USP49: variants seen among roughly 807,000 people sequenced by gnomAD.
USP49 encodes the protein ubiquitin carboxyl-terminal hydrolase 49.
Under a neutral mutation model 58.6 loss-of-function variants are expected in USP49, and 24 were observed. The observed-to-expected ratio is 0.41, with a 90% confidence interval of 0.30 to 0.58. The LOEUF is 0.58. Ranked by LOEUF, USP49 falls within the 20% of genes least tolerant of loss-of-function variation. The probability of loss-of-function intolerance (pLI) is 0.30; values close to 1 mark genes in which losing one functional copy is unlikely to be tolerated. For missense variants in USP49, 703 were observed against 866.1 expected (o/e 0.81, Z 2.36); for synonymous variants, 408 against 365.1 (o/e 1.12, Z -1.34).
In USP49 at chr6:41,798,687, T is replaced by G. The variant is rs151216099; in HGVS notation, c.1876+37A>C. 715 of 1,612,306 alleles carry G rather than the reference T, an allele frequency of 4.4e-4. 4 individuals carry two copies. The African/African-American group carries it at 8.3e-3, about 19-fold the overall frequency. On this transcript the variant is annotated intron_variant, in intron 7 of 7. Transcript: ENST00000682992. The stretch of plus-strand genomic sequence containing the variant: ...TAAAATGTGGACAAATCAACCCCTT[T>G]CCGTGTCCCCCACCCCACAGAGTAA...
chr6:41,810,515 T>A (rs986316808), intron 3 of USP49, among the ~76,000 whole-genome samples: 2 of 147,882 alleles, frequency 1.4e-5, no homozygotes, highest in Admixed American at 1.4e-4. Flanking sequence ...AAATAAAAAA[T>A]AAATAAATAA....
intron 5 of USP49, among the ~76,000 whole-genome samples, chr6:41,800,335 A>G (rs1006283713): frequency 6.6e-6 from 1 of 152,250 alleles, no homozygotes; most frequent in Non-Finnish European, 1.5e-5. Context: ...ACTGATGACC[A>G]TGCAGCCACC....
chr6:41,815,648 G>A (rs1357458165), intron 3 of USP49, among the ~76,000 whole-genome samples: 1 of 152,164 alleles, frequency 6.6e-6, no homozygotes, highest in Non-Finnish European at 1.5e-5. Context: ...ACCCCCTGGA[G>A]AGGCTGAATT....
rs1773055295 is a variant in USP49 at position 41,803,459 on chromosome 6, A to C, written c.1561+347T>G. 6.6e-6 allele frequency among the ~76,000 whole-genome samples: 1 copy of C among 152,156 alleles called. No individual in the cohort carries two copies. The highest frequency in any genetic ancestry group is 1.5e-5 in the Non-Finnish European group (1 of 68,040). ...GCTGGGATTACAGGCATCTGCCACT[A>C]TGCCCAGCTAATTTTTGTATTTTTA... On this transcript the variant is annotated intron_variant, in intron 5 of 7. Coordinates refer to ENST00000682992, the MANE Select transcript of USP49 (RefSeq NM_001286554.2). The surrounding 1 kb of genome is among the most constrained non-coding windows in gnomAD (Gnocchi z 4.1).
chr6:41,816,167 C>T (rs1006697411), intron 3 of USP49, among the ~76,000 whole-genome samples: 1 of 152,152 alleles, frequency 6.6e-6, no homozygotes. Flanking sequence ...GAGAGAGAGA[C>T]ACACAGACAG....
chr6:41,888,109 G>T (rs988881815), intron 2 of USP49, among the ~76,000 whole-genome samples: 2 of 144,968 alleles, frequency 1.4e-5, no homozygotes, highest in Admixed American at 1.4e-4. Flanking sequence ...GGCTGGAATG[G>T]AGTGGCACAA....
Position 41,806,400 on chromosome 6 carries a change from C to G in USP49, c.584G>C (p.Arg195Pro), listed in dbSNP as rs537486952. The change falls in exon 4 of 8, where the codon CGG (arginine) becomes CCG (proline). Residue 195 changes from arginine (R) to proline (P), a missense_variant. Around this residue, in one of 6 missense-constraint regions of USP49, gnomAD observed 376 missense variants for 373.5 expected, o/e 1.01. Transcript: ENST00000682992. This position sits in a 1 kb window ranked among gnomAD's most constrained non-coding sequence, Gnocchi z 5.9. ...GGTGCTGGCCAGCTCCTCCAGCAGC[C>G]GCCGTTTCACCTCGCGCCGCCGCCT... is the stretch of plus-strand genomic sequence containing the variant. ...ARRRRREVKR[R>P]LLEELASTPP... The G allele has an allele frequency of 1.0e-5, 16 of 1,559,132 alleles. No individual in the cohort carries two copies. Among genetic ancestry groups the G allele is most frequent in the Non-Finnish European group, 1.1e-5 (13 of 1,161,458 alleles).
chr6:41,816,832 G>A (rs952033967), intron 3 of USP49, among the ~76,000 whole-genome samples: 2 of 150,366 alleles, frequency 1.3e-5, no homozygotes, highest in East Asian at 4.0e-4. Flanking sequence ...ATCCTCCCAA[G>A]TAGCTGGAAG....
At chr6:41,851,280 C>T (rs1184550411) in intron 3 of USP49, among the ~76,000 whole-genome samples, 2 of 152,118 alleles carry the variant, frequency 1.3e-5, no homozygotes, top group Admixed American at 1.3e-4. Context: ...AAAAGAATTA[C>T]ATATTATCAA....
At chr6:41,799,719 G>C in intron 6 of USP49, 111 bp downstream of exon 6, 1 of 922,876 alleles carries the variant, frequency 1.1e-6, no homozygotes, top group Non-Finnish European at 1.7e-6. Flanking sequence ...GAGGTCTCAA[G>C]TGAACAGGCT....
At chr6:41,833,774 A>G (rs1160667974) in intron 3 of USP49, among the ~76,000 whole-genome samples, 1 of 152,222 alleles carries the variant, frequency 6.6e-6, no homozygotes, top group African/African-American at 2.4e-5. Context: ...TGGACCCTAG[A>G]AAGGGCCAAA....
chr6:41,864,810 CAA>C (rs1394236118), intron 3 of USP49, among the ~76,000 whole-genome samples: 1 of 151,986 alleles, frequency 6.6e-6, no homozygotes, highest in East Asian at 1.9e-4. Flanking sequence ...AGCCAGTGAG[CAA>C]AGAGTCTGAC....
In USP49 at chr6:41,806,744, C is replaced by T. The variant is rs1773142647; in HGVS notation, c.240G>A (p.Lys80=). The change falls in exon 4 of 8, where the codon AAG becomes AAA. Residue 80 remains lysine, a synonymous_variant. Transcript: ENST00000682992. The surrounding 1 kb of genome is among the most constrained non-coding windows in gnomAD (Gnocchi z 5.9). ...RDLYVFCYLC[K]DYVLNDNPEG... ...CTGGGTTATCATTGAGCACGTAGTCCTTGCACAGGTAACAGAACACGTAGA... is the reference window on the plus strand; with the variant it reads ...CTGGGTTATCATTGAGCACGTAGTCTTTGCACAGGTAACAGAACACGTAGA... 1 of 1,614,128 alleles carries T rather than the reference C, an allele frequency of 6.2e-7. No individual in the cohort carries two copies. Among genetic ancestry groups the T allele is most frequent in the African/African-American group, 1.3e-5 (1 of 74,954 alleles).
intron 3 of USP49, among the ~76,000 whole-genome samples, chr6:41,849,497 A>G (rs1773983447): frequency 6.6e-6 from 1 of 152,226 alleles, no homozygotes; most frequent in Non-Finnish European, 1.5e-5. Flanking sequence ...CAGAATATAC[A>G]TTCTTCTCAA....
intron 3 of USP49, among the ~76,000 whole-genome samples, chr6:41,842,340 T>C (rs1412159510): frequency 6.6e-6 from 1 of 151,982 alleles, no homozygotes; most frequent in African/African-American, 2.4e-5. Flanking sequence ...GCCACTGCAC[T>C]CCAGCCTGGG....
chr6:41,804,026 T>A lies in USP49; in HGVS notation c.1357-16A>T. The A allele has an allele frequency of 6.2e-7, 1 of 1,610,042 alleles. No individual in the cohort carries two copies. The highest frequency in any genetic ancestry group is 1.1e-5 in the South Asian group (1 of 90,980). ...TACATGTGACCTAGAATGAAAAGAT[T>A]GATTTACAGATTATATAACTTCCAT... On this transcript the variant is annotated splice_polypyrimidine_tract_variant and intron_variant, in intron 4 of 7. Coordinates refer to ENST00000682992, the MANE Select transcript of USP49 (RefSeq NM_001286554.2).
chr6:41,835,116 T>C (rs1273514350), intron 3 of USP49, among the ~76,000 whole-genome samples: 2 of 152,182 alleles, frequency 1.3e-5, no homozygotes, highest in Admixed American at 1.3e-4. Flanking sequence ...ATCATTAGGT[T>C]AGAGAACACA....
At chr6:41,890,303 T>C (rs1421683539) in intron 2 of USP49, among the ~76,000 whole-genome samples, 2 of 149,016 alleles carry the variant, frequency 1.3e-5, no homozygotes, top group African/African-American at 4.9e-5. Context: ...CGCTTGAACC[T>C]GGGAGGCGGA....
rs548035120 is a variant in USP49 at position 41,884,209 on chromosome 6, G to A, written c.-103+7585C>T. ...CAGCTAATTTTTTGTATTTTTAGTA[G>A]AGACAGGGTTTCACCATGCTGGCCA... is the stretch of plus-strand genomic sequence containing the variant. On this transcript the variant is annotated intron_variant, in intron 2 of 7. Coordinates refer to ENST00000682992, the MANE Select transcript of USP49 (RefSeq NM_001286554.2). Among the ~76,000 whole-genome samples the A allele has an allele frequency of 2.0e-5, 3 of 152,210 alleles. No individual in the cohort carries two copies. In the East Asian group the frequency reaches 5.8e-4, roughly 29 times the overall value.
Sources: gnomAD v4.1 joint callset for allele counts (sites outside exome capture counted in the v4.1 genomes callset) on GRCh38, gnomAD v4.1.1 for gene constraint, gnomAD v4.1.1 regional missense constraint, Gnocchi (gnomAD v3.1) non-coding constraint, MANE v1.5 for transcripts, NCBI Gene and HGNC (gene_info 2026-07-23, HGNC 2026-07-21) for gene names.